The following SUSD4 variants were observed in gnomAD, a reference collection of about 807,000 sequenced individuals.
SUSD4 encodes the protein sushi domain-containing protein 4.
SUSD4 carries 41 observed loss-of-function variants against 50.5 expected under a neutral mutation model. That is an observed-to-expected ratio of 0.81 (90% confidence interval 0.63 to 1.05). The LOEUF (loss-of-function observed/expected upper bound fraction) is 1.05, where lower values mean the gene tolerates loss of function less well. Among genes scored for constraint, SUSD4 ranks in the 50% least tolerant of loss-of-function variants. The probability of loss-of-function intolerance (pLI) is 0.00; values close to 1 mark genes in which losing one functional copy is unlikely to be tolerated. For synonymous variants in SUSD4, 257 were observed against 257.3 expected (o/e 1.00, Z 0.01); for missense variants, 580 against 634.7 (o/e 0.91, Z 0.93).
At chr1:223,276,041 G>T (rs1663242261) in intron 3 of SUSD4, among the ~76,000 whole-genome samples, 1 of 152,214 alleles carries the variant, frequency 6.6e-6, no homozygotes, top group African/African-American at 2.4e-5. Flanking sequence ...CCCCCAAACT[G>T]CTCAAAGACT....
chr1:223,292,695 C>G (rs1372963965), intron 2 of SUSD4, 44 bp from the exon 3 acceptor site: 2 of 1,599,962 alleles, frequency 1.3e-6, no homozygotes, highest in East Asian at 2.2e-5. Flanking sequence ...AATATGTTCT[C>G]TCAATGCCAA....
intron 2 of SUSD4, among the ~76,000 whole-genome samples, chr1:223,329,207 A>G (rs1667039869): frequency 6.6e-6 from 1 of 152,168 alleles, no homozygotes; most frequent in Admixed American, 6.5e-5. Flanking sequence ...GAAGTCCAGT[A>G]TTGTATTTAT....
chr1:223,319,869 G>A (rs747159562), intron 2 of SUSD4, among the ~76,000 whole-genome samples: 15 of 152,216 alleles, frequency 9.9e-5, no homozygotes, highest in Non-Finnish European at 1.9e-4. Context: ...TGGTAGGAGG[G>A]GTGGATGGTG....
At chr1:223,268,377 G>C (rs1662668265) in intron 4 of SUSD4, 125 bp downstream of exon 4, 3 of 1,266,412 alleles carry the variant, frequency 2.4e-6, no homozygotes, top group East Asian at 5.0e-5. Flanking sequence ...GATCCATGTG[G>C]GGTAGATGGC....
chr1:223,359,305 C>T (rs1668837075), intron 2 of SUSD4, among the ~76,000 whole-genome samples: 1 of 152,182 alleles, frequency 6.6e-6, no homozygotes, highest in Non-Finnish European at 1.5e-5. Flanking sequence ...TGCAGGTATA[C>T]TATATTCCAG....
intron 3 of SUSD4, among the ~76,000 whole-genome samples, chr1:223,268,926 T>A (rs1179799599): frequency 6.6e-6 from 1 of 152,180 alleles, no homozygotes; most frequent in Non-Finnish European, 1.5e-5. Flanking sequence ...GAACTTTATT[T>A]CCTGCCTGTG....
At chr1:223,324,803 G>A (rs825113) in intron 2 of SUSD4, among the ~76,000 whole-genome samples, 22,687 of 151,782 alleles carry the variant, frequency 0.15, 1,989 homozygotes, top group South Asian at 0.23. Context: ...TGAGGAAAGA[G>A]GAGGCAATGG....
At chr1:223,277,451 G>A (rs947626916) in intron 3 of SUSD4, among the ~76,000 whole-genome samples, 2 of 151,996 alleles carry the variant, frequency 1.3e-5, no homozygotes, top group African/African-American at 4.8e-5. Context: ...GGGACCCTGG[G>A]ACAAAAAGCA....
intron 5 of SUSD4, among the ~76,000 whole-genome samples, chr1:223,246,475 C>T (rs1055765639): frequency 6.6e-6 from 1 of 152,038 alleles, no homozygotes; most frequent in Admixed American, 6.6e-5. Context: ...GCCCCGCCCC[C>T]ACCCCAGAGC....
At chr1:223,246,131 C>T (rs851208) in intron 5 of SUSD4, among the ~76,000 whole-genome samples, 3,899 of 152,128 alleles carry the variant, frequency 0.026, 175 homozygotes, top group African/African-American at 0.089. Flanking sequence ...GAAAAGGGAA[C>T]GGGACCCAGT....
intron 2 of SUSD4, among the ~76,000 whole-genome samples, chr1:223,323,034 C>T (rs1666671042): frequency 6.6e-6 from 1 of 152,018 alleles, no homozygotes; most frequent in Non-Finnish European, 1.5e-5. Context: ...AGCAGACGGC[C>T]CTTCCAGTTT....
At chr1:223,288,895 G>A (rs1343396689) in intron 3 of SUSD4, among the ~76,000 whole-genome samples, 19 of 152,238 alleles carry the variant, frequency 1.2e-4, no homozygotes, top group Admixed American at 1.2e-3. Context: ...GAGCTTCAGT[G>A]AGGATGCAGC....
In SUSD4 at chr1:223,221,107, G is replaced by A. The variant is rs1318574104; in HGVS notation, c.*1085C>T. 1.0e-5 allele frequency: 4 copies of A among 400,762 alleles called. No individual in the cohort carries two copies. The highest frequency in any genetic ancestry group is 1.3e-4 in the South Asian group (1 of 7,960). 24.8% of individuals were successfully genotyped at this position (400,762 alleles called of 1,614,324 possible). ...TCAAAGTAGGAATGCAGGAATGATA[G>A]GCAGGTGAGGTGGCTGAGCTATCTG... On this transcript the variant is annotated 3_prime_UTR_variant, in exon 9 of 9. Coordinates refer to ENST00000366878, the MANE Select transcript of SUSD4 (RefSeq NM_017982.4).
chr1:223,282,504 A>G (rs1663817202), intron 3 of SUSD4, among the ~76,000 whole-genome samples: 1 of 152,194 alleles, frequency 6.6e-6, no homozygotes, highest in African/African-American at 2.4e-5. Flanking sequence ...TTCAAAAAGA[A>G]TAAAATACCT....
chr1:223,363,077 G>T (rs1191344870), intron 2 of SUSD4, among the ~76,000 whole-genome samples: 1 of 152,094 alleles, frequency 6.6e-6, no homozygotes, highest in Non-Finnish European at 1.5e-5. Context: ...GAATCTGTGC[G>T]GGCTCCACAT....
chr1:223,227,728 C>T lies in SUSD4; in HGVS notation c.927G>A (p.Trp309Ter). Residue 309 changes from tryptophan to a stop codon, truncating the protein, a stop_gained, in exon 7 of 9, where the codon TGG becomes TGA. Coordinates refer to ENST00000366878, the MANE Select transcript of SUSD4 (RefSeq NM_017982.4). LOFTEE classifies it high-confidence loss of function. This position sits in a 1 kb window ranked among gnomAD's most constrained non-coding sequence, Gnocchi z 4.5. ...TCAGGAGGGTCTCATGGGTGCTGGGCCACGTTTGCTCTGCATGAGGGAGAA... is the reference window on the plus strand; with the variant it reads ...TCAGGAGGGTCTCATGGGTGCTGGGTCACGTTTGCTCTGCATGAGGGAGAA... ...QVYCIKSEQT[W>*]PSTHETLLTT... is the part of the protein sequence containing the mutation. 1 of 1,611,812 alleles carries T rather than the reference C, an allele frequency of 6.2e-7. No individual in the cohort carries two copies. Among genetic ancestry groups the T allele is most frequent in the Non-Finnish European group, 8.5e-7 (1 of 1,179,024 alleles).
intron 2 of SUSD4, among the ~76,000 whole-genome samples, chr1:223,357,439 T>C (rs1668726320): frequency 6.6e-6 from 1 of 152,186 alleles, no homozygotes; most frequent in Non-Finnish European, 1.5e-5. Flanking sequence ...AAAAGAAAGA[T>C]TATCATTAAA....
chr1:223,312,116 C>A (rs1665912678), intron 2 of SUSD4, among the ~76,000 whole-genome samples: 1 of 152,160 alleles, frequency 6.6e-6, no homozygotes, highest in Non-Finnish European at 1.5e-5. Context: ...ATATTTTACA[C>A]CAGCCAATCT....
chr1:223,240,586 A>G (rs763663186), intron 5 of SUSD4, among the ~76,000 whole-genome samples: 1 of 152,156 alleles, frequency 6.6e-6, no homozygotes, highest in Non-Finnish European at 1.5e-5. Context: ...TAATAAGCCC[A>G]TCAAAGGCAT....
Sources: allele counts gnomAD v4.1 joint callset (sites outside exome capture counted in the v4.1 genomes callset), GRCh38; gene constraint gnomAD v4.1.1; non-coding constraint Gnocchi (gnomAD v3.1); transcripts MANE v1.5; gene names NCBI Gene and HGNC (gene_info 2026-07-23, HGNC 2026-07-21).